The following METTL16 variants were observed in gnomAD, a reference collection of about 807,000 sequenced individuals.
METTL16 encodes the protein RNA N(6)-adenosine-methyltransferase METTL16.
METTL16 carries 19 observed loss-of-function variants against 57.9 expected under a neutral mutation model. The ratio of observed to expected loss-of-function variants is 0.33; its 90% CI spans 0.23 to 0.48. METTL16 has a LOEUF of 0.48. METTL16 is among the 20% of genes least tolerant of loss of function. The pLI, the probability that METTL16 is intolerant of heterozygous loss-of-function variation, is 0.99. For synonymous variants in METTL16, 246 were observed against 255.6 expected, an observed-to-expected ratio of 0.96 and a Z score of 0.36; for missense variants, 434 against 691.5, an observed-to-expected ratio of 0.63 and a Z score of 4.18.
At chr17:2,482,876 A>C (rs2067316653) in intron 2 of METTL16, among the ~76,000 whole-genome samples, 1 of 152,170 alleles carries the variant, frequency 6.6e-6, no homozygotes, top group Admixed American at 6.5e-5. Context: ...CCATCACTGC[A>C]CTCCAGCCTG....
chr17:2,509,813 T>C (rs2067574434), intron 1 of METTL16, among the ~76,000 whole-genome samples: 1 of 151,592 alleles, frequency 6.6e-6, no homozygotes, highest in Admixed American at 6.6e-5. Flanking sequence ...CTTGGGAGGC[T>C]GAGGCAGGAG....
At chr17:2,481,854 C>T (rs2067309182) in intron 2 of METTL16, among the ~76,000 whole-genome samples, 1 of 30,484 alleles carries the variant, frequency 3.3e-5, no homozygotes, top group Admixed American at 4.8e-4. Context: ...GACTTTAAGG[C>T]TTACAAGAAA....
chr17:2,494,212 G>C (rs555685248), intron 2 of METTL16, among the ~76,000 whole-genome samples: 1 of 152,048 alleles, frequency 6.6e-6, no homozygotes, highest in East Asian at 1.9e-4. Context: ...AGTAGAGATG[G>C]GGTTTCTCCA....
intron 8 of METTL16, among the ~76,000 whole-genome samples, chr17:2,427,742 G>A (rs954830663): frequency 6.6e-6 from 1 of 151,972 alleles, no homozygotes; most frequent in Non-Finnish European, 1.5e-5. Flanking sequence ...CGCAGTCACA[G>A]GATTTTTGAA....
At position 2,467,754 on chromosome 17, in the gene METTL16, AT is replaced by A. The variant is rs1275732885; in HGVS notation, c.585+6del. 7 of 1,607,650 alleles carry A rather than the reference AT, an allele frequency of 4.4e-6. No individual in the cohort carries two copies. In the African/African-American group the frequency reaches 8.0e-5, roughly 18 times the overall value. ...ATTCAATTATTTTAAAGCAGAAGAC[AT>A]TTTACCTTGGCTTCCAATTGATTGG... is the stretch of plus-strand genomic sequence containing the variant. On this transcript the variant is annotated splice_donor_region_variant and intron_variant, in intron 5 of 9. Coordinates refer to ENST00000263092, the MANE Select transcript of METTL16 (RefSeq NM_024086.4).
chr17:2,429,441 G>A (rs2066853786), intron 8 of METTL16, among the ~76,000 whole-genome samples: 1 of 150,784 alleles, frequency 6.6e-6, no homozygotes, highest in Admixed American at 6.7e-5. Context: ...GCCCGCCTCG[G>A]CCTCCCAAAG....
At chr17:2,491,559 C>T (rs929166430) in intron 2 of METTL16, among the ~76,000 whole-genome samples, 42 of 152,090 alleles carry the variant, frequency 2.8e-4, no homozygotes, top group Non-Finnish European at 3.4e-4. Context: ...TAAAGCCCTT[C>T]CATGCTAGGT....
chr17:2,467,066 A>G (rs1410475696), intron 5 of METTL16, among the ~76,000 whole-genome samples: 1 of 144,278 alleles, frequency 6.9e-6, no homozygotes, highest in African/African-American at 2.9e-5. Flanking sequence ...CAGCCTCCCA[A>G]AGTACTGGGA....
At chr17:2,505,146 A>G (rs1377750153) in intron 1 of METTL16, among the ~76,000 whole-genome samples, 3 of 152,038 alleles carry the variant, frequency 2.0e-5, no homozygotes, top group Non-Finnish European at 4.4e-5. Flanking sequence ...TAATTTAAAA[A>G]ATATTTTACT....
intron 1 of METTL16, among the ~76,000 whole-genome samples, chr17:2,506,635 A>G (rs1290052825): frequency 6.6e-6 from 1 of 151,918 alleles, no homozygotes; most frequent in Non-Finnish European, 1.5e-5. Context: ...GCGGCTCGCT[A>G]CAACCTCCAC....
intron 1 of METTL16, 51 bp from the exon 2 acceptor site, chr17:2,502,382 T>G: frequency 1.3e-6 from 2 of 1,583,666 alleles, no homozygotes; most frequent in Non-Finnish European, 1.7e-6. Context: ...TAAAAACCAT[T>G]AATGGGGGCC....
chr17:2,458,392 T>C (rs2067125826), intron 6 of METTL16, among the ~76,000 whole-genome samples: 1 of 148,066 alleles, frequency 6.8e-6, no homozygotes, highest in Non-Finnish European at 1.5e-5. Flanking sequence ...TACAAAATTA[T>C]GGTGTGGAGA....
rs368242506 is a variant in METTL16 at position 2,420,633 on chromosome 17, C to T, written c.1063-37G>A. The stretch of plus-strand genomic sequence containing the variant: ...AAAAACAGAATTTTGTGGGAAATCA[C>T]GTTTCCCCTCTCTCCAAACTCTCAA... On this transcript the variant is annotated intron_variant, in intron 9 of 9. Coordinates refer to ENST00000263092, the MANE Select transcript of METTL16 (RefSeq NM_024086.4). This position sits in a 1 kb window ranked among gnomAD's most constrained non-coding sequence, Gnocchi z 5.4. 2.3e-5 allele frequency: 36 copies of T among 1,569,658 alleles called. No homozygotes were observed. Among genetic ancestry groups the T allele is most frequent in the Middle Eastern group, 3.4e-4 (2 of 5,866 alleles).
intron 7 of METTL16, among the ~76,000 whole-genome samples, chr17:2,440,827 C>T (rs778570582): frequency 2.5e-4 from 38 of 151,748 alleles, no homozygotes; most frequent in Non-Finnish European, 2.9e-4. Context: ...ACAAAATTAG[C>T]TAGGCATGGT....
intron 6 of METTL16, among the ~76,000 whole-genome samples, chr17:2,452,541 T>C (rs971640020): frequency 6.6e-6 from 1 of 152,226 alleles, no homozygotes; most frequent in East Asian, 1.9e-4. Flanking sequence ...CCAAGAGACT[T>C]TGAATCCATT....
intron 6 of METTL16, among the ~76,000 whole-genome samples, chr17:2,454,966 G>C (rs1313464733): frequency 6.6e-6 from 1 of 151,960 alleles, no homozygotes; most frequent in African/African-American, 2.4e-5. Flanking sequence ...TGTTGCTCAG[G>C]CTGGAGTGCA....
At chr17:2,463,182 A>T (rs16952154) in intron 6 of METTL16, among the ~76,000 whole-genome samples, 7,470 of 152,286 alleles carry the variant, frequency 0.049, 259 homozygotes, top group Middle Eastern at 0.085. Context: ...TGATTCCAAG[A>T]ACCTAAACTG....
chr17:2,506,574 G>A (rs2067537471), intron 1 of METTL16, among the ~76,000 whole-genome samples: 1 of 151,576 alleles, frequency 6.6e-6, no homozygotes, highest in African/African-American at 2.4e-5. Context: ...AGACGGAGTT[G>A]CGTTCACTCA....
chr17:2,499,409 C>A (rs79377564), intron 2 of METTL16, among the ~76,000 whole-genome samples: 1 of 146,910 alleles, frequency 6.8e-6, no homozygotes, highest in Non-Finnish European at 1.5e-5. Flanking sequence ...ACTCAAGATC[C>A]TCTCACCTCA....
Sources: allele counts gnomAD v4.1 joint callset (sites outside exome capture counted in the v4.1 genomes callset), GRCh38; gene constraint gnomAD v4.1.1; non-coding constraint Gnocchi (gnomAD v3.1); transcripts MANE v1.5; gene names NCBI Gene and HGNC (gene_info 2026-07-23, HGNC 2026-07-21).